The following ALDH1A2 variants were observed in gnomAD, a reference collection of about 807,000 sequenced individuals.
The protein encoded by ALDH1A2 is retinal dehydrogenase 2.
In ALDH1A2, 27 loss-of-function variants were observed where a neutral mutation model predicts 60.3. The ratio of observed to expected loss-of-function variants is 0.45; its 90% CI spans 0.33 to 0.62. ALDH1A2 has a LOEUF of 0.62. ALDH1A2 is among the 20% of genes least tolerant of loss of function. The probability of loss-of-function intolerance (pLI) is 0.02; values close to 1 mark genes in which losing one functional copy is unlikely to be tolerated. For missense variants in ALDH1A2, 581 were observed against 643.8 expected (o/e 0.90, Z 1.06); for synonymous variants, 289 against 232.4 (o/e 1.24, Z -2.21).
intron 1 of ALDH1A2, chr15:58,058,000 G>T (rs1421509916): frequency 1.4e-6 from 2 of 1,390,450 alleles, no homozygotes; most frequent in Non-Finnish European, 1.9e-6. Flanking sequence ...ACATAGATGA[G>T]GCAGAATTCA....
chr15:58,051,498 C>T (rs2140570564), intron 1 of ALDH1A2, among the ~76,000 whole-genome samples: 2 of 152,202 alleles, frequency 1.3e-5, no homozygotes, highest in Middle Eastern at 6.8e-3. Context: ...GCTAGGACTA[C>T]ATTTTGAAAT....
At chr15:58,015,947 T>C (rs764804151) in intron 1 of ALDH1A2, among the ~76,000 whole-genome samples, 11 of 152,328 alleles carry the variant, frequency 7.2e-5, no homozygotes, top group South Asian at 2.1e-4. Context: ...TCATGCTCCT[T>C]TGAACACAGT....
intron 1 of ALDH1A2, among the ~76,000 whole-genome samples, chr15:58,030,550 G>A (rs780451083): frequency 1.6e-4 from 24 of 152,040 alleles, no homozygotes; most frequent in Non-Finnish European, 3.4e-4. Context: ...GGCAATCAGA[G>A]AAGAGAAAGA....
intron 7 of ALDH1A2, among the ~76,000 whole-genome samples, chr15:57,969,267 T>TC (rs1893987749): frequency 1.3e-5 from 2 of 152,164 alleles, no homozygotes; most frequent in Non-Finnish European, 2.9e-5. Flanking sequence ...CTAAAAGGAC[T>TC]CCCATGTAAA....
At chr15:57,964,156 T>A in intron 8 of ALDH1A2, 87 bp from the exon 9 acceptor site, 1 of 1,445,526 alleles carries the variant, frequency 6.9e-7, no homozygotes, top group Non-Finnish European at 9.6e-7. Flanking sequence ...TCCAAAGCCC[T>A]AGGTATAGTG....
intron 1 of ALDH1A2, among the ~76,000 whole-genome samples, chr15:58,033,929 C>T (rs938135894): frequency 2.6e-5 from 4 of 151,070 alleles, no homozygotes; most frequent in Admixed American, 1.3e-4. Context: ...TATCAGTCCT[C>T]CTCTTTTGTT....
chr15:57,986,557 ATTAACAGAAAAGCC>A (rs1566938553), intron 7 of ALDH1A2, among the ~76,000 whole-genome samples: 1 of 128,022 alleles, frequency 7.8e-6, no homozygotes, highest in Non-Finnish European at 1.6e-5. Flanking sequence ...TCCTTTCAAA[ATTAACAGAAAAGCC>A]AAAAAAAAAA....
intron 3 of ALDH1A2, among the ~76,000 whole-genome samples, chr15:58,012,419 G>C (rs1003504336): frequency 5.9e-5 from 9 of 152,068 alleles, no homozygotes; most frequent in Non-Finnish European, 8.8e-5. Context: ...GAAAAGACAA[G>C]TAATGTGTCC....
At chr15:58,005,191 T>C (rs1266985360) in intron 4 of ALDH1A2, among the ~76,000 whole-genome samples, 1 of 151,918 alleles carries the variant, frequency 6.6e-6, no homozygotes, top group Non-Finnish European at 1.5e-5. Flanking sequence ...TGTCCCTGAC[T>C]CCATGTTCAC....
chr15:57,980,137 C>T (rs1470368823), intron 7 of ALDH1A2: 3 of 286,330 alleles, frequency 1.0e-5, no homozygotes, highest in African/African-American at 6.7e-5. Flanking sequence ...TGTTGGTGCC[C>T]ATTTGCAGCC....
intron 1 of ALDH1A2, among the ~76,000 whole-genome samples, chr15:58,042,535 C>T (rs1896543773): frequency 6.6e-6 from 1 of 151,872 alleles, no homozygotes; most frequent in Non-Finnish European, 1.5e-5. Flanking sequence ...AAAAGCAAAA[C>T]AATGTATGTT....
At chr15:57,996,321 T>C (rs1175520231) in intron 4 of ALDH1A2, among the ~76,000 whole-genome samples, 5 of 150,162 alleles carry the variant, frequency 3.3e-5, no homozygotes, top group African/African-American at 4.9e-5. Flanking sequence ...CTCTCTCTCT[T>C]ACTCTCCCAG....
intron 2 of ALDH1A2, 25 bp downstream of exon 2, chr15:58,014,152 A>G: frequency 1.9e-6 from 3 of 1,614,116 alleles, no homozygotes; most frequent in Non-Finnish European, 2.5e-6. Context: ...TTTCATAGGA[A>G]ATCTTTTATC....
rs781155084 is a variant in ALDH1A2 at position 57,955,305 on chromosome 15, A to G, written c.1485-36T>C. The G allele has an allele frequency of 5.0e-6, 8 of 1,610,856 alleles. No individual in the cohort carries two copies. In the East Asian group the frequency reaches 1.8e-4, roughly 36 times the overall value. ...GAAATGGGCCGGGTCAGATACCAGAAGTCCAGGGAGCTGCATGTGAGTGCA... is the reference window on the plus strand; with the variant it reads ...GAAATGGGCCGGGTCAGATACCAGAGGTCCAGGGAGCTGCATGTGAGTGCA... On this transcript the variant is annotated intron_variant, in intron 12 of 12. Transcript: ENST00000249750.
At chr15:58,023,460 G>C (rs1895988315) in intron 1 of ALDH1A2, among the ~76,000 whole-genome samples, 4 of 152,172 alleles carry the variant, frequency 2.6e-5, no homozygotes, top group African/African-American at 7.2e-5. Flanking sequence ...TTCTCAGGCA[G>C]ATACAATATG....
chr15:58,050,639 C>A (rs1352725287), intron 1 of ALDH1A2, among the ~76,000 whole-genome samples: 4 of 152,118 alleles, frequency 2.6e-5, no homozygotes, highest in Non-Finnish European at 5.9e-5. Context: ...AGGCAAAGTA[C>A]TTCATCAACC....
At chr15:58,065,113 G>T in intron 1 of ALDH1A2, 1 of 281,972 alleles carries the variant, frequency 3.5e-6, no homozygotes, top group Non-Finnish European at 6.9e-6. Context: ...ACCAACAGCC[G>T]AGGGGCCCGG....
chr15:57,999,585 C>A (rs188319833), intron 4 of ALDH1A2, among the ~76,000 whole-genome samples: 6 of 151,474 alleles, frequency 4.0e-5, no homozygotes, highest in Non-Finnish European at 7.4e-5. Context: ...GTTCCTATTT[C>A]CCACTTTGTT....
At chr15:58,059,813 G>A (rs1214740638) in intron 1 of ALDH1A2, among the ~76,000 whole-genome samples, 1 of 152,104 alleles carries the variant, frequency 6.6e-6, no homozygotes, top group Non-Finnish European at 1.5e-5. Flanking sequence ...ATATAAGGAG[G>A]ATTCCATAGC....
Sources: allele counts gnomAD v4.1 joint callset (sites outside exome capture counted in the v4.1 genomes callset), GRCh38; gene constraint gnomAD v4.1.1; transcripts MANE v1.5; gene names NCBI Gene and HGNC (gene_info 2026-07-23, HGNC 2026-07-21).